The following FGA variants were observed in gnomAD, a reference collection of about 807,000 sequenced individuals.
FGA encodes fibrinogen, A alpha polypeptide.
Under a neutral mutation model 20.3 loss-of-function variants are expected in FGA, and 20 were observed. The ratio of observed to expected loss-of-function variants is 0.99; its 90% CI spans 0.69 to 1.43. FGA has a LOEUF of 1.43. FGA is among the 40% of genes most tolerant of loss of function. The pLI is 0.00. For missense variants in FGA, 777 were observed against 784.7 expected (o/e 0.99, Z 0.12); for synonymous variants, 306 against 281.6 (o/e 1.09, Z -0.87).
rs1442902741 is a variant in FGA at position 154,585,975 on chromosome 4, G to A, written c.1454C>T (p.Ser485Phe). 6.2e-7 allele frequency: 1 copy of A among 1,614,140 alleles called. No homozygotes were observed. Among genetic ancestry groups the A allele is most frequent in the Non-Finnish European group, 8.5e-7 (1 of 1,180,008 alleles). Reference protein sequence around the residue: ...HKEVTKEVVTSEDGSDCPEAM... With the variant: ...HKEVTKEVVTFEDGSDCPEAM... ...CTCGGGACAGTCAGAACCATCTTCGGAGGTCACCACTTCTTTGGTAACTTC... is the reference window on the plus strand; with the variant it reads ...CTCGGGACAGTCAGAACCATCTTCGAAGGTCACCACTTCTTTGGTAACTTC... The change falls in exon 5 of 5, where the codon TCC (serine) becomes TTC (phenylalanine). Residue 485 changes from serine to phenylalanine, a missense_variant. Ser to Phe is a radical substitution (Grantham distance 155). Transcript: ENST00000403106.
At chr4:154,585,106 T>C (rs1730674868), downstream of FGA, among the ~76,000 whole-genome samples, 2 of 152,222 alleles carry the variant, frequency 1.3e-5, no homozygotes, top group Admixed American at 6.5e-5. Context: ...CCAGTACAGG[T>C]AGCTAAGCAT....
Position 154,586,623 on chromosome 4 carries a change from A to G in FGA, c.806T>C (p.Ile269Thr). 6.2e-7 allele frequency: 1 copy of G among 1,613,846 alleles called. No homozygotes were observed. Among genetic ancestry groups the G allele is most frequent in the South Asian group, 1.1e-5 (1 of 91,058 alleles). Residue 269 changes from isoleucine to threonine, a missense_variant, in exon 5 of 5, where the codon ATT becomes ACT. Ile to Thr is a moderately conservative substitution (Grantham distance 89). Coordinates refer to ENST00000403106, the MANE Select transcript of FGA (RefSeq NM_021871.4). ...MELERPGGNEITRGGSTSYGT... is the reference protein window; with the variant it reads ...MELERPGGNETTRGGSTSYGT... ...ATAAGAGGTGGAGCCTCCTCGAGTA[A>G]TCTCATTTCCACCAGGTCTCTCTAA... is the stretch of plus-strand genomic sequence containing the variant.
At position 154,586,192 on chromosome 4, in the gene FGA, A is replaced by G. The variant is rs1187039397; in HGVS notation, c.1237T>C (p.Phe413Leu). Residue 413 changes from phenylalanine to leucine, a missense_variant, in exon 5 of 5, where the codon TTT becomes CTT. Coordinates refer to ENST00000403106, the MANE Select transcript of FGA (RefSeq NM_021871.4). Reference protein sequence around the residue: ...ARPNNPDWGTFEEVSGNVSPG... With the variant: ...ARPNNPDWGTLEEVSGNVSPG... ...CTTACATTTCCTGACACCTCTTCAA[A>G]TGTGCCCCAGTCTGGGTTGTTAGGC... 3.1e-6 allele frequency: 5 copies of G among 1,614,016 alleles called. No homozygotes were observed. The highest frequency in any genetic ancestry group is 4.2e-6 in the Non-Finnish European group (5 of 1,179,988).
At position 154,586,180 on chromosome 4, in the gene FGA, A is replaced by G. The variant is rs781309738; in HGVS notation, c.1249T>C (p.Ser417Pro). 1.9e-6 allele frequency: 3 copies of G among 1,613,860 alleles called. No individual in the cohort carries two copies. Among genetic ancestry groups the G allele is most frequent in the Non-Finnish European group, 1.7e-6 (2 of 1,180,012 alleles). Residue 417 changes from serine to proline, a missense_variant, in exon 5 of 5, where the codon TCA (serine) becomes CCA (proline). Coordinates refer to ENST00000403106, the MANE Select transcript of FGA (RefSeq NM_021871.4). ...CTTGTCCCTGGACTTACATTTCCTG[A>G]CACCTCTTCAAATGTGCCCCAGTCT... ...NPDWGTFEEV[S>P]GNVSPGTRRE...
At chr4:154,587,468 C>G in intron 4 of FGA, 44 bp downstream of exon 4, 2 of 1,584,528 alleles carry the variant, frequency 1.3e-6, no homozygotes, top group South Asian at 1.1e-5. Flanking sequence ...CCTTTTCCCT[C>G]TACTCAGAAA....
rs983378693 is a variant in FGA at position 154,585,394 on chromosome 4, A to G, written c.*100T>C. 4.5e-6 allele frequency: 5 copies of G among 1,117,654 alleles called. No homozygotes were observed. The highest frequency in any genetic ancestry group is 6.5e-6 in the Non-Finnish European group (5 of 773,958). 69.2% of individuals were successfully genotyped at this position (1,117,654 alleles called of 1,614,324 possible). On this transcript the variant is annotated 3_prime_UTR_variant, in exon 5 of 5. Coordinates refer to ENST00000403106, the MANE Select transcript of FGA (RefSeq NM_021871.4). Reference sequence around the variant, plus strand: ...CCAAGGAACTTACAGTCTAGCACAAAAACAGACCAAAAAAGTGTAGTTTCA... The same window carrying G: ...CCAAGGAACTTACAGTCTAGCACAAGAACAGACCAAAAAAGTGTAGTTTCA...
At position 154,586,514 on chromosome 4, in the gene FGA, A is replaced by G. The variant is rs1226666521; in HGVS notation, c.915T>C (p.Thr305=). 2 of 1,613,812 alleles carry G rather than the reference A, an allele frequency of 1.2e-6. No homozygotes were observed. The highest frequency in any genetic ancestry group is 1.1e-5 in the South Asian group (1 of 90,944). ...WNSGSSGPGS[T]GNRNPGSSGT... ...CAGAGCTCCCAGGGTTTCGGTTTCCAGTACTTCCAGGTCCAGAGCTCCCAG... is the reference window on the plus strand; with the variant it reads ...CAGAGCTCCCAGGGTTTCGGTTTCCGGTACTTCCAGGTCCAGAGCTCCCAG... The change falls in exon 5 of 5, where the codon ACT becomes ACC. Residue 305 remains threonine, a synonymous_variant. Coordinates refer to ENST00000403106, the MANE Select transcript of FGA (RefSeq NM_021871.4).
At chr4:154,588,466 G>A (rs1003248734) in intron 3 of FGA, among the ~76,000 whole-genome samples, 1 of 152,114 alleles carries the variant, frequency 6.6e-6, no homozygotes, top group Non-Finnish European at 1.5e-5. Flanking sequence ...CCTTTACAAA[G>A]CAGAAACAAA....
Position 154,587,637 on chromosome 4 carries a change from G to A in FGA, c.385C>T (p.Arg129Ter), listed in dbSNP as rs781289913. Residue 129 changes from arginine (R) to a stop codon, truncating the protein, a stop_gained, in exon 4 of 5, where the codon CGA (arginine) becomes TGA (stop). Transcript: ENST00000403106. LOFTEE classifies it high-confidence loss of function. ...SANNRDNTYNRVSEDLRSRIE... is the reference protein window; with the variant it reads ...SANNRDNTYN ...CTGCTTCTCAGATCCTCTGACACTCGGTTGTAGGTATTATCACGGTCTGAA... is the reference window on the plus strand; with the variant it reads ...CTGCTTCTCAGATCCTCTGACACTCAGTTGTAGGTATTATCACGGTCTGAA... 6.8e-6 allele frequency: 11 copies of A among 1,613,610 alleles called. No homozygotes were observed. The South Asian group carries it at 7.7e-5, about 11-fold the overall frequency.
At chr4:154,584,737 C>T, downstream of FGA, 1 of 1,613,872 alleles carries the variant, frequency 6.2e-7, no homozygotes, top group Non-Finnish European at 8.5e-7. Flanking sequence ...CTCTTGATCG[C>T]AATAAACAGA....
chr4:154,586,708 G>T lies in FGA; in HGVS notation c.721C>A (p.Leu241Ile), dbSNP rs146719557. 1 of 1,614,202 alleles carries T rather than the reference G, an allele frequency of 6.2e-7. No individual in the cohort carries two copies. The highest frequency in any genetic ancestry group is 1.3e-5 in the African/African-American group (1 of 75,042). ...TTCCACTCTGGGGGTACCTTCTGAA[G>T]CTGGCTCTTAAAATTTCCGGGAACC... Reference protein sequence around the residue: ...DLVPGNFKSQLQKVPPEWKAL... With the variant: ...DLVPGNFKSQIQKVPPEWKAL... The change falls in exon 5 of 5, where the codon CTT becomes ATT. Residue 241 changes from leucine to isoleucine, a missense_variant. Leu to Ile is a conservative substitution (Grantham distance 5). Coordinates refer to ENST00000403106, the MANE Select transcript of FGA (RefSeq NM_021871.4).
downstream of FGA, chr4:154,584,677 A>G: frequency 6.2e-7 from 1 of 1,614,166 alleles, no homozygotes; most frequent in Non-Finnish European, 8.5e-7. Context: ...GTTAAAATTC[A>G]GTGATCCATC....
intron 1 of FGA, among the ~76,000 whole-genome samples, 153 bp downstream of exon 1, chr4:154,590,481 G>A (rs980116508): frequency 2.0e-5 from 3 of 152,102 alleles, no homozygotes; most frequent in Non-Finnish European, 4.4e-5. Context: ...GTATTCTTGA[G>A]GTGTCAAGCC....
In FGA at chr4:154,589,481, C is replaced by T. The variant is rs1166880343; in HGVS notation, c.136G>A (p.Ala46Thr). The T allele has an allele frequency of 1.2e-6, 2 of 1,614,006 alleles. No individual in the cohort carries two copies. The highest frequency in any genetic ancestry group is 1.1e-5 in the South Asian group (1 of 91,084). ...GPRVVERHQSACKDSDWPFCS... is the reference protein window; with the variant it reads ...GPRVVERHQSTCKDSDWPFCS... ...AAGGGCCAGTCTGAATCTTTGCAGGCAGATTGATGTCTTTCCACAACCCTT... is the reference window on the plus strand; with the variant it reads ...AAGGGCCAGTCTGAATCTTTGCAGGTAGATTGATGTCTTTCCACAACCCTT... The change falls in exon 2 of 5, where the codon GCC becomes ACC. Residue 46 changes from alanine to threonine, a missense_variant. Physicochemically the swap from Ala to Thr is moderately conservative, Grantham distance 58 (BLOSUM62 0). Coordinates refer to ENST00000403106, the MANE Select transcript of FGA (RefSeq NM_021871.4).
downstream of FGA, chr4:154,583,970 T>C: frequency 1.5e-6 from 1 of 656,498 alleles, no homozygotes; most frequent in Non-Finnish European, 2.7e-6. Context: ...AAGACTAATA[T>C]GTCTCAGGTA....
In FGA at chr4:154,585,487, A is replaced by C. The variant is rs1730682516; in HGVS notation, c.*7T>G. Reference sequence around the variant, plus strand: ...TGGGAACACTGTGCAGAAATATTTAACTTAGTCTAGGGGGACAGGGAAGGC... The same window carrying C: ...TGGGAACACTGTGCAGAAATATTTACCTTAGTCTAGGGGGACAGGGAAGGC... On this transcript the variant is annotated 3_prime_UTR_variant, in exon 5 of 5. Transcript: ENST00000403106. 2.0e-6 allele frequency: 3 copies of C among 1,537,292 alleles called. No homozygotes were observed. Among genetic ancestry groups the C allele is most frequent in the Non-Finnish European group, 2.7e-6 (3 of 1,110,478 alleles).
chr4:154,586,353 G>A lies in FGA; in HGVS notation c.1076C>T (p.Thr359Ile). The stretch of plus-strand genomic sequence containing the variant: ...GCGTTCAGAGCTGCCAGGATTCCAG[G>A]TTCCGGTACTACCAGGTCTAGGGCT... ...PGSPRPGSTG[T>I]WNPGSSERGS... Residue 359 changes from threonine (T) to isoleucine (I), a missense_variant, in exon 5 of 5, where the codon ACC (threonine) becomes ATC (isoleucine). Physicochemically the swap from Thr to Ile is moderately conservative, Grantham distance 89 (BLOSUM62 -1). Coordinates refer to ENST00000403106, the MANE Select transcript of FGA (RefSeq NM_021871.4). The A allele has an allele frequency of 6.2e-7, 1 of 1,614,174 alleles. No homozygotes were observed. The highest frequency in any genetic ancestry group is 8.5e-7 in the Non-Finnish European group (1 of 1,180,034).
Position 154,585,907 on chromosome 4 carries a change from C to T in FGA, c.1522G>A (p.Gly508Arg). The T allele has an allele frequency of 1.2e-6, 2 of 1,614,026 alleles. No individual in the cohort carries two copies. Among genetic ancestry groups the T allele is most frequent in the Non-Finnish European group, 1.7e-6 (2 of 1,179,922 alleles). ...TCATCAGGGTGCCTATGGCGGAACC[C>T]ATCCAGAGTACCTATGCCAGACAAT... ...GTLSGIGTLD[G>R]FRHRHPDEAA... The change falls in exon 5 of 5, where the codon GGG becomes AGG. Residue 508 changes from glycine (G) to arginine (R), a missense_variant. Coordinates refer to ENST00000403106, the MANE Select transcript of FGA (RefSeq NM_021871.4).
In FGA at chr4:154,588,811, C is replaced by T. The variant is rs886059153; in HGVS notation, c.346G>A (p.Asp116Asn). Residue 116 changes from aspartate to asparagine, a missense_variant, in exon 3 of 5, where the codon GAT (aspartate) becomes AAT (asparagine). Asp to Asn is a conservative substitution (Grantham distance 23, BLOSUM62 1). Transcript: ENST00000403106. ...TTNIMEILRG[D>N]FSSANNRDNT... Reference sequence around the variant, plus strand: ...TACTTACTATTGGCTGAGGAAAAATCGCCTCTCAAAATTTCCATTATATTA... The same window carrying T: ...TACTTACTATTGGCTGAGGAAAAATTGCCTCTCAAAATTTCCATTATATTA... The T allele has an allele frequency of 5.0e-6, 8 of 1,610,260 alleles. No homozygotes were observed. The highest frequency in any genetic ancestry group is 2.0e-4 in the Middle Eastern group (1 of 4,902).
Sources: allele counts gnomAD v4.1 joint callset (sites outside exome capture counted in the v4.1 genomes callset), GRCh38; gene constraint gnomAD v4.1.1; transcripts MANE v1.5; gene names NCBI Gene and HGNC (gene_info 2026-07-23, HGNC 2026-07-21).